FAXC: variants seen among roughly 807,000 people sequenced by gnomAD.
FAXC encodes the protein failed axon connections homolog.
A neutral mutation model predicts 41.9 loss-of-function variants in FAXC; 10 were observed. The ratio of observed to expected loss-of-function variants is 0.24; its 90% CI spans 0.15 to 0.41. The LOEUF (loss-of-function observed/expected upper bound fraction) is 0.41, where lower values mean the gene tolerates loss of function less well. Ranked by LOEUF, FAXC falls within the 10% of genes least tolerant of loss-of-function variation. The probability of loss-of-function intolerance (pLI) is 1.00; values close to 1 mark genes in which losing one functional copy is unlikely to be tolerated. For missense variants in FAXC, 399 were observed against 510.9 expected, an observed-to-expected ratio of 0.78 and a Z score of 2.11; for synonymous variants, 183 against 183.8, an observed-to-expected ratio of 1.00 and a Z score of 0.03.
intron 4 of FAXC, among the ~76,000 whole-genome samples, chr6:99,316,980 A>G (rs757018907): frequency 1.3e-5 from 2 of 152,182 alleles, no homozygotes; most frequent in Non-Finnish European, 2.9e-5. Context: ...TCTTTATTAC[A>G]TAGTCAAGGT....
intron 3 of FAXC, among the ~76,000 whole-genome samples, chr6:99,330,739 C>T (rs1773000461): frequency 6.6e-6 from 1 of 152,132 alleles, no homozygotes; most frequent in East Asian, 1.9e-4. Flanking sequence ...AACCTAGGAG[C>T]TCACTGACTG....
At chr6:99,341,603 C>T (rs1327126330) in intron 2 of FAXC, among the ~76,000 whole-genome samples, 3 of 152,104 alleles carry the variant, frequency 2.0e-5, no homozygotes, top group African/African-American at 7.2e-5. Context: ...TATATAAATA[C>T]TCTAACATAA....
chr6:99,339,900 A>C (rs943860290), intron 2 of FAXC, among the ~76,000 whole-genome samples: 2 of 152,154 alleles, frequency 1.3e-5, no homozygotes, highest in Admixed American at 1.3e-4. Context: ...AGAAAAGGAA[A>C]TATTTTAACA....
intron 2 of FAXC, among the ~76,000 whole-genome samples, chr6:99,341,812 AAAGT>A (rs1773437380): frequency 6.6e-6 from 1 of 152,208 alleles, no homozygotes; most frequent in Non-Finnish European, 1.5e-5. Flanking sequence ...ACATTTTAAA[AAAGT>A]AACTACAAAC....
At chr6:99,338,297 A>G (rs1224606645) in intron 2 of FAXC, among the ~76,000 whole-genome samples, 1 of 152,110 alleles carries the variant, frequency 6.6e-6, no homozygotes, top group East Asian at 1.9e-4. Context: ...CTTCTTGAAG[A>G]CCTCTGTAAT....
intron 1 of FAXC, 45 bp downstream of exon 1, chr6:99,349,062 G>T (rs1410500825): frequency 1.9e-6 from 3 of 1,589,186 alleles, no homozygotes; most frequent in Non-Finnish European, 2.6e-6. Context: ...CCCTAGCCAG[G>T]TGCCCCTCTC....
intron 3 of FAXC, among the ~76,000 whole-genome samples, chr6:99,329,907 T>C (rs1469204671): frequency 6.7e-6 from 1 of 148,652 alleles, no homozygotes; most frequent in East Asian, 2.0e-4. Flanking sequence ...ATTTTTGTTA[T>C]TTTTTTTTAG....
intron 5 of FAXC, among the ~76,000 whole-genome samples, chr6:99,283,876 C>A (rs187852808): frequency 6.6e-6 from 1 of 152,214 alleles, no homozygotes; most frequent in Non-Finnish European, 1.5e-5. Context: ...GCTTTTCCTA[C>A]AGAAAATCAG....
chr6:99,318,733 GTGA>G (rs1772469451), intron 4 of FAXC, among the ~76,000 whole-genome samples: 1 of 152,174 alleles, frequency 6.6e-6, no homozygotes, highest in Admixed American at 6.5e-5. Context: ...CCCACCCACT[GTGA>G]TGTAGGTATT....
rs569093911 is a variant in FAXC, at chr6:99,345,598, C to A, written c.267-2565G>T. On this transcript the variant is annotated intron_variant, in intron 1 of 5. Coordinates refer to ENST00000389677, the MANE Select transcript of FAXC (RefSeq NM_032511.4). ...TTTATATAAGAGGACAGCCATAGAG[C>A]ATTAACTAGCTAGTTTACTACTATT... 2.6e-5 allele frequency among the ~76,000 whole-genome samples: 4 copies of A among 152,300 alleles called. No homozygotes were observed. The South Asian group carries it at 8.3e-4, about 32-fold the overall frequency.
chr6:99,318,148 A>T (rs1157907270), intron 4 of FAXC, among the ~76,000 whole-genome samples: 2 of 151,846 alleles, frequency 1.3e-5, no homozygotes, highest in African/African-American at 2.4e-5. Flanking sequence ...AGTCCCAGCT[A>T]CTCGGGAGGC....
chr6:99,278,654 C>G lies in FAXC; in HGVS notation c.*2510G>C, dbSNP rs1346459809. On this transcript the variant is annotated 3_prime_UTR_variant, in exon 6 of 6. Transcript: ENST00000389677. Reference sequence around the variant, plus strand: ...TGGTTATTTTGTTTGCATAACCCGCCTTGGGAAAGTAAAGCAGGGGCATAT... The same window carrying G: ...TGGTTATTTTGTTTGCATAACCCGCGTTGGGAAAGTAAAGCAGGGGCATAT... 6.6e-6 allele frequency: 1 copy of G among 152,156 alleles called. No homozygotes were observed. Among genetic ancestry groups the G allele is most frequent in the African/African-American group, 2.4e-5 (1 of 41,442 alleles). The allele number at this position is 152,156 out of a possible 1,614,324, so 9.4% of individuals were successfully genotyped here. A position where few individuals can be genotyped will look rare whatever the true frequency, so the allele number is the denominator to read the frequency against.
intron 3 of FAXC, among the ~76,000 whole-genome samples, chr6:99,332,458 A>C (rs1313877205): frequency 6.6e-6 from 1 of 152,246 alleles, no homozygotes; most frequent in Non-Finnish European, 1.5e-5. Context: ...ACTGGGGTGT[A>C]GAGAAAGGTG....
chr6:99,343,112 G>A (rs1773480628), intron 1 of FAXC, 79 bp from the exon 2 acceptor site: 4 of 1,332,686 alleles, frequency 3.0e-6, no homozygotes, highest in African/African-American at 1.5e-5. Context: ...AGAGGACCCT[G>A]CAGGGTTGTA....
At chr6:99,282,440 A>G in intron 5 of FAXC, among the ~76,000 whole-genome samples, 1 of 152,182 alleles carries the variant, frequency 6.6e-6, no homozygotes, top group East Asian at 1.9e-4. Context: ...CACTTAGTAT[A>G]AGATATTTTT....
intron 3 of FAXC, among the ~76,000 whole-genome samples, chr6:99,327,792 C>A (rs1157193140): frequency 6.6e-6 from 1 of 152,148 alleles, no homozygotes; most frequent in Non-Finnish European, 1.5e-5. Context: ...AAGCCAGAAT[C>A]CCAGGAGTTT....
intron 3 of FAXC, among the ~76,000 whole-genome samples, chr6:99,327,867 A>G (rs1048933188): frequency 3.9e-5 from 6 of 151,972 alleles, no homozygotes; most frequent in African/African-American, 1.5e-4. Context: ...CCCTTTCTCC[A>G]ACTCTATAAA....
At position 99,333,449 on chromosome 6, in the gene FAXC, C is replaced by T. The variant is rs761673523; in HGVS notation, c.501G>A (p.Leu167=). The T allele has an allele frequency of 6.2e-7, 1 of 1,614,152 alleles. No individual in the cohort carries two copies. The change falls in exon 3 of 6, where the codon CTG becomes CTA. Residue 167 remains leucine (L), a synonymous_variant. Coordinates refer to ENST00000389677, the MANE Select transcript of FAXC (RefSeq NM_032511.4). ...TTAAATTCACTCCAAGCTTCTCTTC[C>T]AGAAAGTCAATTATGAATTCTGTGC... ...VSGTEFIIDF[L]EEKLGVNLNK...
intron 4 of FAXC, among the ~76,000 whole-genome samples, chr6:99,323,199 A>G (rs959972838): frequency 6.6e-6 from 1 of 152,222 alleles, no homozygotes; most frequent in African/African-American, 2.4e-5. Flanking sequence ...GTGAGGCTGA[A>G]GCATGTTCCA....
Sources: gnomAD v4.1 joint callset for allele counts (sites outside exome capture counted in the v4.1 genomes callset) on GRCh38, gnomAD v4.1.1 for gene constraint, MANE v1.5 for transcripts, NCBI Gene and HGNC (gene_info 2026-07-23, HGNC 2026-07-21) for gene names.